The following NQO2 variants were observed in gnomAD, a reference collection of about 807,000 sequenced individuals.
NQO2 encodes N-ribosyldihydronicotinamide:quinone dehydrogenase 2.
Under a neutral mutation model 22.0 loss-of-function variants are expected in NQO2, and 18 were observed. The observed-to-expected ratio is 0.82, with a 90% CI of 0.56 to 1.21. The LOEUF (loss-of-function observed/expected upper bound fraction) is 1.21, where lower values mean the gene tolerates loss of function less well. Among genes scored for constraint, NQO2 ranks in the 50% most tolerant of loss-of-function variants. NQO2 has a pLI of 0.00. For missense variants in NQO2, 267 were observed against 286.9 expected, an observed-to-expected ratio of 0.93 and a Z score of 0.50; for synonymous variants, 106 against 110.8, an observed-to-expected ratio of 0.96 and a Z score of 0.28.
intron 1 of NQO2, chr6:3,002,362 G>A (rs1342642752): frequency 2.3e-6 from 1 of 440,056 alleles, no homozygotes; most frequent in South Asian, 9.6e-5. Flanking sequence ...AGGCTGGAGT[G>A]CAATGGCACA....
chr6:3,001,565 G>A (rs936027736), intron 1 of NQO2, among the ~76,000 whole-genome samples: 2 of 152,116 alleles, frequency 1.3e-5, no homozygotes, highest in African/African-American at 4.8e-5. Flanking sequence ...CCCAGAAATA[G>A]GAAAATGGGC....
intron 2 of NQO2, among the ~76,000 whole-genome samples, chr6:3,009,188 C>T (rs573994335): frequency 6.6e-6 from 1 of 152,324 alleles, no homozygotes; most frequent in African/African-American, 2.4e-5. Flanking sequence ...ATTTCAGAGG[C>T]CCACCCTCAG....
At position 3,006,963 on chromosome 6, in the gene NQO2, G is replaced by C. The variant is rs967782439; in HGVS notation, c.7+404G>C. ...AAAAATTCAGTACGATTCTATCTTT[G>C]CTTTTGCAACTGCTTATCATGCACA... On this transcript the variant is annotated intron_variant, in intron 2 of 6. Transcript: ENST00000380455. This position sits in a 1 kb window ranked among gnomAD's most constrained non-coding sequence, Gnocchi z 4.0. 1 of 404,652 alleles carries C rather than the reference G, an allele frequency of 2.5e-6. No homozygotes were observed. The highest frequency in any genetic ancestry group is 2.1e-5 in the African/African-American group (1 of 48,658). The allele number at this position is 404,652 out of a possible 1,614,324, so 25.1% of individuals were successfully genotyped here. A position where few individuals can be genotyped will look rare whatever the true frequency, so the allele number is the denominator to read the frequency against.
chr6:3,009,966 A>G, intron 2 of NQO2, 59 bp from the exon 3 acceptor site: 2 of 1,540,682 alleles, frequency 1.3e-6, no homozygotes, highest in Non-Finnish European at 1.8e-6. Flanking sequence ...CTTAGTCTTC[A>G]TTGAATTTAA....
intron 3 of NQO2, 97 bp from the exon 4 acceptor site, chr6:3,012,447 G>C (rs1241855693): frequency 6.5e-7 from 1 of 1,534,866 alleles, no homozygotes; most frequent in African/African-American, 1.4e-5. Context: ...TCTTTGACTT[G>C]TCTGAGGAGT....
chr6:3,009,351 A>G (rs1757068338), intron 2 of NQO2, among the ~76,000 whole-genome samples: 1 of 152,210 alleles, frequency 6.6e-6, no homozygotes. Context: ...TTCCCTGAAC[A>G]TTGCTGTTAT....
chr6:3,005,364 C>T (rs566842846), intron 1 of NQO2, among the ~76,000 whole-genome samples: 4 of 152,316 alleles, frequency 2.6e-5, no homozygotes, highest in South Asian at 2.1e-4. Context: ...CTTTCCCCAG[C>T]GGTGCACGGG....
intron 4 of NQO2, among the ~76,000 whole-genome samples, chr6:3,014,475 C>G (rs1757256999): frequency 6.6e-6 from 1 of 152,140 alleles, no homozygotes; most frequent in Non-Finnish European, 1.5e-5. Flanking sequence ...TTCTCCTGTC[C>G]CCCTTGGGTC....
At chr6:3,007,765 GGCCCT>G (rs1204980314) in intron 2 of NQO2, among the ~76,000 whole-genome samples, 1 of 152,182 alleles carries the variant, frequency 6.6e-6, no homozygotes, top group African/African-American at 2.4e-5. Context: ...GGCTCCATGT[GGCCCT>G]GCCTTCCCAT....
chr6:3,001,310 CAAACTCCTGACCTCAGGTGATCCGCCT>C (rs1366182692), intron 1 of NQO2, among the ~76,000 whole-genome samples: 3 of 152,240 alleles, frequency 2.0e-5, no homozygotes, highest in South Asian at 2.1e-4. Flanking sequence ...AGGCTGGTCT[CAAACTCCTGACCTCAGGTGATCCGCCT>C]GCCTCGGCCT....
Position 3,012,624 on chromosome 6 carries a change from A to G in NQO2, c.253A>G (p.Ile85Val). The G allele has an allele frequency of 1.9e-6, 3 of 1,614,150 alleles. No homozygotes were observed. The highest frequency in any genetic ancestry group is 2.5e-6 in the Non-Finnish European group (3 of 1,179,996). ...CAAGCAAAGGTCTCTGGCTAGCGACATCACTGATGAGCAGAAAAAGGTTCG... is the reference window on the plus strand; with the variant it reads ...CAAGCAAAGGTCTCTGGCTAGCGACGTCACTGATGAGCAGAAAAAGGTTCG... ...AYKQRSLASDITDEQKKVREA... is the reference protein window; with the variant it reads ...AYKQRSLASDVTDEQKKVREA... Residue 85 changes from isoleucine (I) to valine (V), a missense_variant, in exon 4 of 7, where the codon ATC (isoleucine) becomes GTC (valine). Physicochemically the swap from Ile to Val is conservative, Grantham distance 29 (BLOSUM62 3). Coordinates refer to ENST00000380455, the MANE Select transcript of NQO2 (RefSeq NM_000904.6).
Position 3,012,555 on chromosome 6 carries a change from A to G in NQO2, c.184A>G (p.Asn62Asp), listed in dbSNP as rs982109726. ...TDKDITGTLSNPEVFNYGVET... is the reference protein window; with the variant it reads ...TDKDITGTLSDPEVFNYGVET... ...CTCTTCCCCGACAGGTACTCTTTCT[A>G]ATCCTGAGGTTTTCAATTATGGAGT... is the stretch of plus-strand genomic sequence containing the variant. The change falls in exon 4 of 7, where the codon AAT (asparagine) becomes GAT (aspartate). Residue 62 changes from asparagine to aspartate, a missense_variant. Asn to Asp is a conservative substitution (Grantham distance 23). Transcript: ENST00000380455. The G allele has an allele frequency of 1.9e-6, 3 of 1,614,106 alleles. No individual in the cohort carries two copies. Among genetic ancestry groups the G allele is most frequent in the Non-Finnish European group, 2.5e-6 (3 of 1,179,998 alleles).
chr6:3,004,875 G>T (rs1239142138), intron 1 of NQO2, among the ~76,000 whole-genome samples: 2 of 152,030 alleles, frequency 1.3e-5, no homozygotes, highest in Admixed American at 6.5e-5. Context: ...TTGTTTGTTT[G>T]TTTTTTGTGT....
At chr6:3,009,709 C>T (rs571389299) in intron 2 of NQO2, among the ~76,000 whole-genome samples, 23 of 152,288 alleles carry the variant, frequency 1.5e-4, no homozygotes, top group African/African-American at 4.6e-4. Flanking sequence ...CCAGTTGCTC[C>T]ATTCGGGGTC....
intron 1 of NQO2, chr6:3,004,191 C>T: frequency 2.9e-6 from 1 of 349,936 alleles, no homozygotes; most frequent in South Asian, 1.2e-4. Context: ...CACTGGCCAT[C>T]TCAACTGCAA....
Position 3,006,728 on chromosome 6 carries a change from C to A in NQO2, c.7+169C>A. On this transcript the variant is annotated intron_variant, in intron 2 of 6. Transcript: ENST00000380455. The surrounding 1 kb of genome is among the most constrained non-coding windows in gnomAD (Gnocchi z 4.0). ...ATTGGATACATTGTTGTAAAAAATC[C>A]AAGCCACGTGGAAGTGTATAAACTA... 1.6e-6 allele frequency: 1 copy of A among 618,064 alleles called. No individual in the cohort carries two copies. The highest frequency in any genetic ancestry group is 2.7e-6 in the Non-Finnish European group (1 of 367,860). The allele number at this position is 618,064 out of a possible 1,614,324, so 38.3% of individuals were successfully genotyped here.
intron 1 of NQO2, chr6:3,004,747 G>A (rs757168430): frequency 7.9e-5 from 44 of 557,616 alleles, no homozygotes; most frequent in East Asian, 2.9e-4. Context: ...CACAACATGC[G>A]CGATGCGTGT....
chr6:3,017,963 T>G (rs993488902), intron 6 of NQO2, among the ~76,000 whole-genome samples: 2 of 152,222 alleles, frequency 1.3e-5, no homozygotes, highest in Non-Finnish European at 2.9e-5. Context: ...TCAGAGAAAT[T>G]AATCCTATTA....
At chr6:3,004,603 T>C in intron 1 of NQO2, 1 of 985,426 alleles carries the variant, frequency 1.0e-6, no homozygotes, top group South Asian at 4.7e-5. Context: ...AGATAAGGAG[T>C]GGGCCCTGGA....
Sources: allele counts gnomAD v4.1 joint callset (sites outside exome capture counted in the v4.1 genomes callset), GRCh38; gene constraint gnomAD v4.1.1; non-coding constraint Gnocchi (gnomAD v3.1); transcripts MANE v1.5; gene names NCBI Gene and HGNC (gene_info 2026-07-23, HGNC 2026-07-21).